BACH2: variants seen among roughly 807,000 people sequenced by gnomAD.
BACH2 encodes BACH transcriptional regulator 2, also known as transcription regulator protein BACH2.
In BACH2, 5 loss-of-function variants were observed where a neutral mutation model predicts 61.8. The ratio of observed to expected loss-of-function variants is 0.08; its 90% CI spans 0.04 to 0.17. BACH2 has a LOEUF of 0.17. Among genes scored for constraint, BACH2 ranks in the 10% least tolerant of loss-of-function variants. BACH2 has a pLI of 1.00. For missense variants in BACH2, 824 were observed against 1,091.1 expected (o/e 0.76, Z 3.45); for synonymous variants, 446 against 440.1 (o/e 1.01, Z -0.17).
In BACH2 at chr6:90,075,132, A is replaced by G. The variant is rs568676945; in HGVS notation, c.-13+13829T>C. Among the ~76,000 whole-genome samples the G allele has an allele frequency of 2.0e-5, 3 of 152,308 alleles. No individual in the cohort carries two copies. In the East Asian group the frequency reaches 5.8e-4, roughly 29 times the overall value. On this transcript the variant is annotated intron_variant, in intron 5 of 8. Transcript: ENST00000257749. ...ACAACAAAATGTTATTTCCCAGTGC[A>G]TGTCATGGACGAAAAGAACATATAA...
At chr6:90,101,910 G>C (rs982486377) in intron 4 of BACH2, among the ~76,000 whole-genome samples, 4 of 151,900 alleles carry the variant, frequency 2.6e-5, no homozygotes, top group African/African-American at 9.7e-5. Context: ...AATTATTTTT[G>C]ATGCTATGTA....
chr6:90,116,838 T>G (rs1267063139), intron 4 of BACH2: 1 of 590,944 alleles, frequency 1.7e-6, no homozygotes, highest in Non-Finnish European at 2.7e-6. Flanking sequence ...TAGGCTGGGA[T>G]GCCTCTGGAG....
At chr6:90,295,278 A>T (rs2127895957) in intron 1 of BACH2, among the ~76,000 whole-genome samples, 1 of 152,264 alleles carries the variant, frequency 6.6e-6, no homozygotes, top group East Asian at 1.9e-4. Context: ...TCAAGTTACC[A>T]AACTCGCCTA....
At chr6:90,168,018 T>C (rs1767688859) in intron 4 of BACH2, among the ~76,000 whole-genome samples, 1 of 152,202 alleles carries the variant, frequency 6.6e-6, no homozygotes, top group African/African-American at 2.4e-5. Context: ...TCACTGGCTA[T>C]ATAAACAAAG....
At chr6:90,276,116 G>A (rs1771683170) in intron 1 of BACH2, among the ~76,000 whole-genome samples, 5 of 152,158 alleles carry the variant, frequency 3.3e-5, no homozygotes, top group Admixed American at 3.3e-4. Flanking sequence ...TTCAATAAAT[G>A]CAAGGAATGT....
rs144817284 is a variant in BACH2 at position 90,169,659 on chromosome 6, C to T, written c.-162+36910G>A. ...TTTAGTCTCTGGATTAACGGTGCTC[C>T]TTTTAAAACAGTGCCTGCTGCTTTG... is the stretch of plus-strand genomic sequence containing the variant. On this transcript the variant is annotated intron_variant, in intron 4 of 8. Coordinates refer to ENST00000257749, the MANE Select transcript of BACH2 (RefSeq NM_021813.4). 2.0e-3 allele frequency among the ~76,000 whole-genome samples: 303 copies of T among 152,312 alleles called. 3 individuals are homozygous for T. The highest frequency in any genetic ancestry group is 7.1e-3 in the African/African-American group (294 of 41,574).
intron 4 of BACH2, among the ~76,000 whole-genome samples, chr6:90,095,187 A>T (rs1289502426): frequency 1.3e-5 from 2 of 151,890 alleles, no homozygotes; most frequent in Non-Finnish European, 2.9e-5. Context: ...AAAGAGGTCA[A>T]TTGATGTTAA....
intron 5 of BACH2, among the ~76,000 whole-genome samples, chr6:90,012,833 A>T (rs1425923039): frequency 2.0e-5 from 3 of 151,758 alleles, no homozygotes; most frequent in Admixed American, 2.0e-4. Flanking sequence ...GTGCTTGGTC[A>T]ATTTTTGTAT....
intron 6 of BACH2, among the ~76,000 whole-genome samples, chr6:89,960,770 T>C (rs1284700502): frequency 3.3e-5 from 5 of 152,204 alleles, no homozygotes; most frequent in African/African-American, 1.2e-4. Context: ...GGGTGCCACA[T>C]GGCACCAGAG....
At chr6:89,981,365 T>C (rs1417329243) in intron 6 of BACH2, among the ~76,000 whole-genome samples, 1 of 152,006 alleles carries the variant, frequency 6.6e-6, no homozygotes, top group African/African-American at 2.4e-5. Flanking sequence ...ATGGTATCGA[T>C]CTCCTGACCT....
chr6:90,209,419 C>T (rs963081571), intron 3 of BACH2, among the ~76,000 whole-genome samples: 30 of 152,138 alleles, frequency 2.0e-4, no homozygotes, highest in Admixed American at 1.6e-3. Flanking sequence ...GTAACTTTTA[C>T]TCTTTCAATT....
At chr6:90,296,294 T>A (rs1027023002) in intron 1 of BACH2, among the ~76,000 whole-genome samples, 186 bp downstream of exon 1, 1 of 151,142 alleles carries the variant, frequency 6.6e-6, no homozygotes, top group Admixed American at 6.6e-5. Flanking sequence ...CCCCTTCCCG[T>A]TCCTAGAAAA....
At chr6:90,032,588 C>T (rs1012397796) in intron 5 of BACH2, among the ~76,000 whole-genome samples, 1 of 150,734 alleles carries the variant, frequency 6.6e-6, no homozygotes, top group Admixed American at 6.6e-5. Flanking sequence ...TTTATGCAGC[C>T]AAAAGACACA....
At chr6:89,982,192 G>C (rs932296607) in intron 6 of BACH2, among the ~76,000 whole-genome samples, 3 of 152,172 alleles carry the variant, frequency 2.0e-5, no homozygotes, top group Non-Finnish European at 4.4e-5. Context: ...TGTAAGTTCA[G>C]GGAGGTCAGC....
chr6:90,056,288 A>G (rs941633511), intron 5 of BACH2, among the ~76,000 whole-genome samples: 1 of 152,190 alleles, frequency 6.6e-6, no homozygotes, highest in Admixed American at 6.5e-5. Flanking sequence ...TCTACCAAGC[A>G]AATGGAAAAC....
At chr6:89,987,092 C>T (rs1317535491) in intron 6 of BACH2, among the ~76,000 whole-genome samples, 1 of 152,136 alleles carries the variant, frequency 6.6e-6, no homozygotes, top group Non-Finnish European at 1.5e-5. Context: ...AACTGGTGAG[C>T]TACTCCAGGA....
chr6:90,259,909 A>G (rs1394310078), intron 2 of BACH2, among the ~76,000 whole-genome samples: 1 of 150,686 alleles, frequency 6.6e-6, no homozygotes, highest in Admixed American at 6.6e-5. Flanking sequence ...GTCTGTTGTA[A>G]TTTCTTCAAT....
chr6:90,233,413 G>A (rs1210934555), intron 3 of BACH2, among the ~76,000 whole-genome samples: 1 of 152,150 alleles, frequency 6.6e-6, no homozygotes, highest in Non-Finnish European at 1.5e-5. Context: ...GTGCACACAG[G>A]CTGCCAGCCC....
At chr6:90,229,316 C>T (rs1266411572) in intron 3 of BACH2, among the ~76,000 whole-genome samples, 4 of 152,106 alleles carry the variant, frequency 2.6e-5, no homozygotes, top group East Asian at 1.9e-4. Context: ...AAAAATTAGC[C>T]GGGTGCAGTG....
Sources: allele counts gnomAD v4.1 joint callset (sites outside exome capture counted in the v4.1 genomes callset), GRCh38; gene constraint gnomAD v4.1.1; transcripts MANE v1.5; gene names NCBI Gene and HGNC (gene_info 2026-07-23, HGNC 2026-07-21).